ZNF565: variants seen among roughly 807,000 people sequenced by gnomAD.
The protein encoded by ZNF565 is zinc finger protein 565.
A neutral mutation model predicts 39.4 loss-of-function variants in ZNF565; 27 were observed. That is an observed-to-expected ratio of 0.69 (90% CI 0.51 to 0.95). The LOEUF (loss-of-function observed/expected upper bound fraction) is 0.95. ZNF565 is among the 40% of genes least tolerant of loss of function. ZNF565 has a pLI of 0.00. For synonymous variants in ZNF565, 185 were observed against 216.6 expected, an observed-to-expected ratio of 0.85 and a Z score of 1.28; for missense variants, 524 against 621.1, an observed-to-expected ratio of 0.84 and a Z score of 1.66.
intron 1 of ZNF565, among the ~76,000 whole-genome samples, chr19:36,209,257 G>A (rs975343107): frequency 1.3e-5 from 2 of 152,134 alleles, no homozygotes; most frequent in African/African-American, 2.4e-5. Flanking sequence ...GGGGCTGGGC[G>A]CAGTGGCTCA....
At chr19:36,218,657 G>C (rs761563961), upstream of ZNF565, among the ~76,000 whole-genome samples, 3 of 151,934 alleles carry the variant, frequency 2.0e-5, no homozygotes, top group Non-Finnish European at 4.4e-5. Flanking sequence ...TTTTAGTAGA[G>C]ATGGGGTTTC....
chr19:36,200,919 C>A (rs988237869), intron 2 of ZNF565, among the ~76,000 whole-genome samples: 2 of 151,880 alleles, frequency 1.3e-5, no homozygotes, highest in Non-Finnish European at 2.9e-5. Flanking sequence ...CAAGTAGCTG[C>A]GATTATAGGC....
chr19:36,211,727 A>T (rs1976367025), intron 1 of ZNF565, among the ~76,000 whole-genome samples: 2 of 151,772 alleles, frequency 1.3e-5, no homozygotes, highest in Admixed American at 1.3e-4. Context: ...AGGGAGGCGG[A>T]GCTTGCAGTG....
At chr19:36,188,466 CT>C (rs1417345837) in intron 4 of ZNF565, among the ~76,000 whole-genome samples, 2 of 152,036 alleles carry the variant, frequency 1.3e-5, no homozygotes, top group African/African-American at 4.8e-5. Context: ...AACCCCAGCA[CT>C]TTGGGAGGCT....
rs886997653 is a variant in ZNF565 at position 36,245,159 on chromosome 19, A to C, written c.55+317T>G. On this transcript the variant is annotated intron_variant, in intron 1 of 4. Transcript: ENST00000355114. The surrounding 1 kb of genome is among the most constrained non-coding windows in gnomAD (Gnocchi z 4.4). ...GCCCTTGCGAGAGCCATGGATTCGC[A>C]TTTGCGCAGAGTCGGGGTCTGTTGC... 1.3e-5 allele frequency among the ~76,000 whole-genome samples: 2 copies of C among 152,194 alleles called. No homozygotes were observed. Among genetic ancestry groups the C allele is most frequent in the Non-Finnish European group, 2.9e-5 (2 of 68,036 alleles).
chr19:36,194,126 T>A (rs1349885406), intron 4 of ZNF565, 107 bp downstream of exon 4: 4 of 860,256 alleles, frequency 4.6e-6, no homozygotes, highest in Non-Finnish European at 7.0e-6. Flanking sequence ...GTTTCAGGCC[T>A]TTCTTCCACA....
intron 1 of ZNF565, among the ~76,000 whole-genome samples, chr19:36,241,732 C>T (rs893574373): frequency 7.4e-6 from 1 of 136,048 alleles, no homozygotes; most frequent in African/African-American, 2.8e-5. Flanking sequence ...GTGGAGGTTG[C>T]AGTGAGCTGA....
At chr19:36,229,272 T>C (rs1037157872) in intron 1 of ZNF565, among the ~76,000 whole-genome samples, 1 of 152,242 alleles carries the variant, frequency 6.6e-6, no homozygotes, top group Admixed American at 6.5e-5. Flanking sequence ...TTCTCACTCA[T>C]CTCTGCCATC....
rs1406758559 is a variant in ZNF565, at chr19:36,183,301, G to A, written c.665C>T (p.Pro222Leu). 3 of 1,614,030 alleles carry A rather than the reference G, an allele frequency of 1.9e-6. No homozygotes were observed. Among genetic ancestry groups the A allele is most frequent in the Middle Eastern group, 1.6e-4 (1 of 6,084 alleles). The stretch of plus-strand genomic sequence containing the variant: ...CTTCCCACAGTCCTTACAGTCATAA[G>A]GTTTCTCACCCGTGTGAATTCTCTG... Reference protein sequence around the residue: ...QHQRIHTGEKPYDCKDCGKAF... With the variant: ...QHQRIHTGEKLYDCKDCGKAF... Residue 222 changes from proline to leucine, a missense_variant, in exon 5 of 5, where the codon CCT becomes CTT. By Grantham distance (98) the Pro-to-Leu change is moderately conservative. Coordinates refer to ENST00000304116, the MANE Select transcript of ZNF565 (RefSeq NM_152477.5).
chr19:36,210,568 C>G (rs2145364214), intron 1 of ZNF565, among the ~76,000 whole-genome samples: 1 of 151,954 alleles, frequency 6.6e-6, no homozygotes, highest in East Asian at 1.9e-4. Context: ...CTGAGAGGAC[C>G]TAGAAGCAAT....
chr19:36,242,595 C>T (rs767656606), intron 1 of ZNF565, among the ~76,000 whole-genome samples: 12 of 151,848 alleles, frequency 7.9e-5, no homozygotes, highest in Non-Finnish European at 1.0e-4. Flanking sequence ...CATGGTGGCA[C>T]GTGCCTCTCA....
chr19:36,207,844 T>G (rs1427974993), intron 1 of ZNF565, among the ~76,000 whole-genome samples: 1 of 152,180 alleles, frequency 6.6e-6, no homozygotes, highest in Non-Finnish European at 1.5e-5. Context: ...CATCTGTTTT[T>G]CAAATGATGC....
At chr19:36,224,515 G>A (rs910169853) in intron 1 of ZNF565, among the ~76,000 whole-genome samples, 1 of 152,220 alleles carries the variant, frequency 6.6e-6, no homozygotes, top group African/African-American at 2.4e-5. Flanking sequence ...TAGCCCAGGT[G>A]TAACAACCAG....
At chr19:36,232,292 A>T (rs990116622) in intron 1 of ZNF565, among the ~76,000 whole-genome samples, 5 of 151,968 alleles carry the variant, frequency 3.3e-5, no homozygotes, top group Admixed American at 1.3e-4. Context: ...TTGATTATGA[A>T]ATATTCTACT....
chr19:36,240,119 C>T (rs1002035085), intron 1 of ZNF565, among the ~76,000 whole-genome samples: 1 of 152,172 alleles, frequency 6.6e-6, no homozygotes, highest in Admixed American at 6.5e-5. Flanking sequence ...ACAGTTGGCC[C>T]TCTGTATCCA....
intron 1 of ZNF565, among the ~76,000 whole-genome samples, chr19:36,227,483 G>A (rs1005021400): frequency 8.6e-5 from 13 of 151,380 alleles, no homozygotes; most frequent in African/African-American, 3.2e-4. Context: ...TCCTGGGCTC[G>A]AGTGATCTTC....
intron 4 of ZNF565, among the ~76,000 whole-genome samples, chr19:36,193,293 T>G (rs568348795): frequency 6.6e-6 from 1 of 151,628 alleles, no homozygotes; most frequent in South Asian, 2.1e-4. Context: ...AATTTTTGTA[T>G]TTTTAGTAGA....
At chr19:36,221,319 C>T (rs147959229) in intron 1 of ZNF565, among the ~76,000 whole-genome samples, 2,528 of 121,234 alleles carry the variant, frequency 0.021, 82 homozygotes, top group African/African-American at 0.077. Context: ...GACGGAGTCT[C>T]ACTCTGTCCC....
At chr19:36,243,440 A>C (rs1977831803) in intron 1 of ZNF565, among the ~76,000 whole-genome samples, 1 of 152,246 alleles carries the variant, frequency 6.6e-6, no homozygotes, top group Non-Finnish European at 1.5e-5. Context: ...TTAACACCCC[A>C]GAGTGAATAC....
Sources: allele counts gnomAD v4.1 joint callset (sites outside exome capture counted in the v4.1 genomes callset), GRCh38; gene constraint gnomAD v4.1.1; non-coding constraint Gnocchi (gnomAD v3.1); transcripts MANE v1.5; gene names NCBI Gene and HGNC (gene_info 2026-07-23, HGNC 2026-07-21).